TMEM196: variants seen among roughly 807,000 people sequenced by gnomAD.
The protein encoded by TMEM196 is transmembrane protein 196.
Under a neutral mutation model 20.0 loss-of-function variants are expected in TMEM196, and 17 were observed. The ratio of observed to expected loss-of-function variants is 0.85; its 90% confidence interval spans 0.58 to 1.27. TMEM196 has a LOEUF of 1.27. TMEM196 is among the 50% of genes most tolerant of loss of function. TMEM196 has a pLI of 0.00. For synonymous variants in TMEM196, 113 were observed against 88.9 expected (o/e 1.27, Z -1.52); for missense variants, 267 against 223.0 (o/e 1.20, Z -1.26).
intron 1 of TMEM196, among the ~76,000 whole-genome samples, chr7:19,754,736 T>C (rs1047343098): frequency 1.3e-5 from 2 of 152,214 alleles, no homozygotes; most frequent in Non-Finnish European, 2.9e-5. Context: ...TCCTTTGTTA[T>C]TTATTTACCT....
chr7:19,725,607 G>A lies in TMEM196; in HGVS notation c.366C>T (p.Ser122=), dbSNP rs1218259368. 3.1e-6 allele frequency: 5 copies of A among 1,614,108 alleles called. No individual in the cohort carries two copies. Among genetic ancestry groups the A allele is most frequent in the Non-Finnish European group, 4.2e-6 (5 of 1,179,992 alleles). ...CIGIGGCTLS[S]WLTCRLASYE... Reference sequence around the variant, plus strand: ...AACTGGCTAGTCGACAAGTGAGCCAGGAAGAGAGAGTGCAGCCCCCGATCC... The same window carrying A: ...AACTGGCTAGTCGACAAGTGAGCCAAGAAGAGAGAGTGCAGCCCCCGATCC... Residue 122 remains serine (S), a synonymous_variant, in exon 3 of 5, where the codon TCC becomes TCT. Coordinates refer to ENST00000405844, the MANE Select transcript of TMEM196 (RefSeq NM_001363562.2).
intron 1 of TMEM196, among the ~76,000 whole-genome samples, chr7:19,734,139 C>T (rs1216008532): frequency 6.6e-6 from 1 of 152,190 alleles, no homozygotes. Flanking sequence ...AATGTGAAGA[C>T]TATTTTGCAC....
At chr7:19,767,612 T>G (rs1785687961) in intron 1 of TMEM196, among the ~76,000 whole-genome samples, 1 of 152,190 alleles carries the variant, frequency 6.6e-6, no homozygotes, top group Non-Finnish European at 1.5e-5. Flanking sequence ...AGTTATAACT[T>G]TGAACAACAT....
intron 1 of TMEM196, among the ~76,000 whole-genome samples, chr7:19,739,757 G>A (rs1784523562): frequency 6.6e-6 from 1 of 152,114 alleles, no homozygotes; most frequent in Non-Finnish European, 1.5e-5. Context: ...AACCTCATCA[G>A]TAATAAGAGA....
chr7:19,748,041 A>G (rs1269243147), intron 1 of TMEM196, among the ~76,000 whole-genome samples: 19 of 151,894 alleles, frequency 1.3e-4, no homozygotes, highest in Non-Finnish European at 2.9e-5. Flanking sequence ...CAATTAATTA[A>G]TTTTTCCATG....
intron 1 of TMEM196, among the ~76,000 whole-genome samples, chr7:19,756,837 C>T (rs1463857062): frequency 6.6e-6 from 1 of 152,004 alleles, no homozygotes; most frequent in African/African-American, 2.4e-5. Context: ...TTTCTTTATC[C>T]AGTCTATCAC....
chr7:19,722,496 G>A (rs145469471), intron 4 of TMEM196, among the ~76,000 whole-genome samples: 19 of 152,250 alleles, frequency 1.2e-4, no homozygotes, highest in African/African-American at 4.6e-4. Flanking sequence ...TGCTGAGCAT[G>A]TCAACAAAGT....
At position 19,768,822 on chromosome 7, in the gene TMEM196, A is replaced by G. The variant is rs536324441; in HGVS notation, c.147+3728T>C. Among the ~76,000 whole-genome samples the G allele has an allele frequency of 3.4e-4, 52 of 152,278 alleles. 2 individuals are homozygous for G. The South Asian group carries it at 0.01, about 30-fold the overall frequency. On this transcript the variant is annotated intron_variant, in intron 1 of 4. Transcript: ENST00000405844. ...TTATCACAGGAAGCATCCCTGCCTG[A>G]TTAATCAGATGAAATAGTGCCTGGA...
intron 1 of TMEM196, among the ~76,000 whole-genome samples, chr7:19,766,723 G>A (rs2128040088): frequency 6.6e-6 from 1 of 150,900 alleles, no homozygotes; most frequent in East Asian, 1.9e-4. Context: ...GTATGCAAGT[G>A]CATACACACA....
intron 1 of TMEM196, among the ~76,000 whole-genome samples, chr7:19,732,320 A>G (rs1407643150): frequency 6.6e-6 from 1 of 152,120 alleles, no homozygotes; most frequent in Non-Finnish European, 1.5e-5. Flanking sequence ...CACACCTGTA[A>G]CCCCAGCATG....
Position 19,729,101 on chromosome 7 carries a change from A to T in TMEM196, c.204+281T>A, listed in dbSNP as rs73680689. Among the ~76,000 whole-genome samples the T allele has an allele frequency of 5.9e-3, 894 of 152,206 alleles. 5 individuals carry two copies. Among genetic ancestry groups the T allele is most frequent in the African/African-American group, 0.02 (831 of 41,530 alleles). On this transcript the variant is annotated intron_variant, in intron 2 of 4. Transcript: ENST00000405844. The stretch of plus-strand genomic sequence containing the variant: ...TGTCTGGCAGTCTCCAGATTGGAAA[A>T]CTAGAGACTGTCATCCGTAGCAGTC...
intron 1 of TMEM196, among the ~76,000 whole-genome samples, chr7:19,768,639 G>T (rs1213553210): frequency 1.3e-5 from 2 of 152,074 alleles, no homozygotes; most frequent in African/African-American, 4.8e-5. Flanking sequence ...TTATCTAACA[G>T]TTATGCCTCT....
At chr7:19,725,476 C>T in intron 3 of TMEM196, 38 bp downstream of exon 3, 1 of 1,568,928 alleles carries the variant, frequency 6.4e-7, no homozygotes, top group Non-Finnish European at 8.7e-7. Flanking sequence ...CAGTCTTCAT[C>T]ATGTGCTAGC....
In TMEM196 at chr7:19,767,174, T is replaced by C. The variant is rs200813517; in HGVS notation, c.147+5376A>G. ...ATTTACATGTGAACAGAATCTAGACTAAGAAATTCATGAAATAAAGAAAAA... is the reference window on the plus strand; with the variant it reads ...ATTTACATGTGAACAGAATCTAGACCAAGAAATTCATGAAATAAAGAAAAA... On this transcript the variant is annotated intron_variant, in intron 1 of 4. Transcript: ENST00000405844. Among the ~76,000 whole-genome samples the C allele has an allele frequency of 2.6e-5, 4 of 152,214 alleles. No individual in the cohort carries two copies. In the East Asian group the frequency reaches 7.7e-4, roughly 29 times the overall value.
chr7:19,770,957 C>G (rs1468288), intron 1 of TMEM196, among the ~76,000 whole-genome samples: 28,309 of 151,256 alleles, frequency 0.19, 3,466 homozygotes, highest in East Asian at 0.45. Flanking sequence ...TCGTTGGGGG[C>G]GGGGATTGAG....
At chr7:19,763,026 AC>A (rs1283009438) in intron 1 of TMEM196, among the ~76,000 whole-genome samples, 2 of 152,188 alleles carry the variant, frequency 1.3e-5, no homozygotes, top group Non-Finnish European at 2.9e-5. Flanking sequence ...ACAATTACCA[AC>A]TTTTTCCTAG....
intron 2 of TMEM196, among the ~76,000 whole-genome samples, chr7:19,727,260 G>T (rs1353785297): frequency 6.6e-6 from 1 of 152,130 alleles, no homozygotes; most frequent in Non-Finnish European, 1.5e-5. Flanking sequence ...AACATGGCAT[G>T]ATAAGTATTA....
intron 4 of TMEM196, 42 bp downstream of exon 4, chr7:19,724,238 C>T (rs1783909775): frequency 2.0e-6 from 3 of 1,519,024 alleles, no homozygotes; most frequent in East Asian, 2.5e-5. Context: ...GTGCTTTCTG[C>T]AGCGACATTA....
At chr7:19,731,036 T>C (rs1784184653) in intron 1 of TMEM196, among the ~76,000 whole-genome samples, 1 of 152,158 alleles carries the variant, frequency 6.6e-6, no homozygotes, top group Non-Finnish European at 1.5e-5. Context: ...TAAATATTTA[T>C]ATAATTTTAG....
Sources: allele counts gnomAD v4.1 joint callset (sites outside exome capture counted in the v4.1 genomes callset), GRCh38; gene constraint gnomAD v4.1.1; transcripts MANE v1.5; gene names NCBI Gene and HGNC (gene_info 2026-07-23, HGNC 2026-07-21).